Variants in EFR3B observed in about 807,000 individuals in gnomAD.
EFR3B encodes protein EFR3 homolog B.
Under a neutral mutation model 104.7 loss-of-function variants are expected in EFR3B, and 64 were observed. The observed-to-expected ratio is 0.61, with a 90% CI of 0.50 to 0.75. The LOEUF (loss-of-function observed/expected upper bound fraction) is 0.75, where lower values mean the gene tolerates loss of function less well. Ranked by LOEUF, EFR3B falls within the 30% of genes least tolerant of loss-of-function variation. The probability of loss-of-function intolerance (pLI) is 0.00; values close to 1 mark genes in which losing one functional copy is unlikely to be tolerated. For missense variants in EFR3B, 750 were observed against 1,078.5 expected (o/e 0.70, Z 4.27); for synonymous variants, 385 against 417.9 (o/e 0.92, Z 0.96).
In EFR3B at chr2:25,135,451, C is replaced by T; in HGVS notation, c.1312-16C>T. 1 of 1,551,466 alleles carries T rather than the reference C, an allele frequency of 6.4e-7. No individual in the cohort carries two copies. The highest frequency in any genetic ancestry group is 8.7e-7 in the Non-Finnish European group (1 of 1,146,844). On this transcript the variant is annotated splice_polypyrimidine_tract_variant and intron_variant, in intron 12 of 22. Transcript: ENST00000403714. The stretch of plus-strand genomic sequence containing the variant: ...GACAGCATTCCTAGGCATAGCTGTC[C>T]ATACCTCCCTTGCAGGTATCCACAG...
In EFR3B at chr2:25,070,079, C is replaced by T. The variant is rs565375739; in HGVS notation, c.8-21246C>T. Among the ~76,000 whole-genome samples, 80 of 152,300 alleles carry T rather than the reference C, an allele frequency of 5.3e-4. 1 individual carries two copies. Among genetic ancestry groups the T allele is most frequent in the African/African-American group, 1.8e-3 (76 of 41,564 alleles). On this transcript the variant is annotated intron_variant, in intron 1 of 22. Transcript: ENST00000403714. ...AAAGGACAGTAACTCCTGGCTATTG[C>T]CATGGCAATGGTAAACTGACATGGC...
chr2:25,143,692 A>G, intron 17 of EFR3B, 43 bp from the exon 18 acceptor site: 1 of 1,549,432 alleles, frequency 6.5e-7, no homozygotes, highest in Admixed American at 2.0e-5. Context: ...GTCATTCTAG[A>G]TACCGCGGTT....
chr2:25,065,005 A>G (rs1668292549), intron 1 of EFR3B, among the ~76,000 whole-genome samples: 1 of 152,096 alleles, frequency 6.6e-6, no homozygotes, highest in African/African-American at 2.4e-5. Context: ...CCCCTAGCCC[A>G]GGGTCACTGG....
intron 1 of EFR3B, among the ~76,000 whole-genome samples, chr2:25,078,878 C>T (rs1668709320): frequency 6.6e-6 from 1 of 152,116 alleles, no homozygotes; most frequent in Non-Finnish European, 1.5e-5. Context: ...GACTCTCCTG[C>T]CCCTTCAACA....
At chr2:25,098,306 C>G (rs189321034) in intron 3 of EFR3B, among the ~76,000 whole-genome samples, 45 of 152,286 alleles carry the variant, frequency 3.0e-4, no homozygotes, top group African/African-American at 1.1e-3. Flanking sequence ...CTAAAGCTGC[C>G]TCCCTCATCC....
At chr2:25,071,063 C>T (rs376760124) in intron 1 of EFR3B, among the ~76,000 whole-genome samples, 15 of 151,982 alleles carry the variant, frequency 9.9e-5, no homozygotes, top group African/African-American at 3.6e-4. Flanking sequence ...CGGGTTCATG[C>T]CATTCTCCTG....
intron 3 of EFR3B, among the ~76,000 whole-genome samples, chr2:25,096,595 C>G (rs1669282099): frequency 6.6e-6 from 1 of 152,128 alleles, no homozygotes; most frequent in South Asian, 2.1e-4. Context: ...CCAAGCCCAC[C>G]ACCCCCGCCA....
intron 1 of EFR3B, among the ~76,000 whole-genome samples, chr2:25,057,509 C>T (rs999855534): frequency 2.0e-5 from 3 of 152,242 alleles, no homozygotes; most frequent in South Asian, 2.1e-4. Flanking sequence ...AGGCTGAGCA[C>T]GGTGGCTCAC....
intron 1 of EFR3B, among the ~76,000 whole-genome samples, chr2:25,070,869 A>AT (rs1448772479): frequency 6.6e-6 from 1 of 152,258 alleles, no homozygotes; most frequent in African/African-American, 2.4e-5. Context: ...ATCCATTCGG[A>AT]TTAATGCAGA....
intron 1 of EFR3B, among the ~76,000 whole-genome samples, chr2:25,056,222 A>AT (rs35193604): frequency 0.01 from 1,581 of 151,994 alleles, 39 homozygotes; most frequent in African/African-American, 0.037. Context: ...CAGCCATTTG[A>AT]TTTTTTCCTC....
intron 1 of EFR3B, among the ~76,000 whole-genome samples, chr2:25,074,337 G>A (rs937783559): frequency 7.2e-5 from 11 of 152,034 alleles, no homozygotes; most frequent in African/African-American, 2.2e-4. Context: ...AGGCCGAGGC[G>A]GATGGATCAC....
chr2:25,083,123 T>C (rs1198978467), intron 1 of EFR3B, among the ~76,000 whole-genome samples: 1 of 152,200 alleles, frequency 6.6e-6, no homozygotes, highest in East Asian at 1.9e-4. Flanking sequence ...ACTAGGGAAT[T>C]GGCCATATCA....
chr2:25,153,021 G>C (rs1671057476), intron 21 of EFR3B, among the ~76,000 whole-genome samples: 1 of 152,078 alleles, frequency 6.6e-6, no homozygotes, highest in Admixed American at 6.6e-5. Context: ...TCATCTCTAA[G>C]CCACCAGTTT....
intron 1 of EFR3B, among the ~76,000 whole-genome samples, chr2:25,066,698 CAG>C (rs1668346147): frequency 6.6e-6 from 1 of 152,212 alleles, no homozygotes; most frequent in Non-Finnish European, 1.5e-5. Flanking sequence ...TCTAAGGGGA[CAG>C]GGACTTGTGC....
intron 4 of EFR3B, among the ~76,000 whole-genome samples, chr2:25,121,407 C>T (rs576887645): frequency 6.6e-6 from 1 of 152,238 alleles, no homozygotes; most frequent in African/African-American, 2.4e-5. Context: ...TTCTGTGAGC[C>T]CTTTCATGTT....
Position 25,136,441 on chromosome 2 carries a change from T to C in EFR3B, c.1485-82T>C, listed in dbSNP as rs1670516914. On this transcript the variant is annotated intron_variant, in intron 13 of 22. Transcript: ENST00000403714. This position sits in a 1 kb window ranked among gnomAD's most constrained non-coding sequence, Gnocchi z 4.0. ...GAGGCTTTGTACCAACTAACAATGT[T>C]GGGGATAAAGCTCAGTGACCCCGTG... 1 of 1,141,488 alleles carries C rather than the reference T, an allele frequency of 8.8e-7. No homozygotes were observed. Among genetic ancestry groups the C allele is most frequent in the Non-Finnish European group, 1.3e-6 (1 of 786,414 alleles). 70.7% of individuals were successfully genotyped at this position (1,141,488 alleles called of 1,614,324 possible).
At chr2:25,075,907 C>G (rs1668622443) in intron 1 of EFR3B, among the ~76,000 whole-genome samples, 1 of 152,154 alleles carries the variant, frequency 6.6e-6, no homozygotes, top group Admixed American at 6.5e-5. Context: ...CGGGTAGGGT[C>G]TCACTCTGTC....
chr2:25,081,524 G>A, intron 1 of EFR3B: 1 of 1,173,214 alleles, frequency 8.5e-7, no homozygotes. Flanking sequence ...ATGTATTCAT[G>A]TAGTGAGAGA....
At chr2:25,061,259 G>A (rs374171397) in intron 1 of EFR3B, among the ~76,000 whole-genome samples, 15 of 151,426 alleles carry the variant, frequency 9.9e-5, no homozygotes, top group African/African-American at 2.9e-4. Flanking sequence ...GAGTAGCTCC[G>A]TGTGCCACCA....
Sources: allele counts gnomAD v4.1 joint callset (sites outside exome capture counted in the v4.1 genomes callset), GRCh38; gene constraint gnomAD v4.1.1; non-coding constraint Gnocchi (gnomAD v3.1); transcripts MANE v1.5; gene names NCBI Gene and HGNC (gene_info 2026-07-23, HGNC 2026-07-21).